The following UNC79 variants were observed in gnomAD, a reference collection of about 807,000 sequenced individuals.
UNC79 encodes the protein unc-79 subunit of NALCN channel complex, also known as protein unc-79 homolog.
A neutral mutation model predicts 283.1 loss-of-function variants in UNC79; 37 were observed. The observed-to-expected ratio is 0.13, with a 90% CI of 0.10 to 0.17. The LOEUF (loss-of-function observed/expected upper bound fraction) is 0.17. Ranked by LOEUF, UNC79 falls within the 10% of genes least tolerant of loss-of-function variation. UNC79 has a pLI of 1.00. For missense variants in UNC79, 2,272 were observed against 3,211.1 expected (o/e 0.71, Z 7.07); for synonymous variants, 1,107 against 1,200.2 (o/e 0.92, Z 1.61).
intron 1 of UNC79, among the ~76,000 whole-genome samples, chr14:93,448,214 A>T (rs2056525794): frequency 3.1e-5 from 4 of 127,334 alleles, no homozygotes; most frequent in Admixed American, 2.5e-4. Context: ...TCTGTTCTTC[A>T]TGTTTGATAC....
chr14:93,571,688 C>A (rs1236033836), intron 14 of UNC79, among the ~76,000 whole-genome samples: 3 of 152,142 alleles, frequency 2.0e-5, no homozygotes, highest in African/African-American at 7.2e-5. Context: ...TGAGCCTATT[C>A]GTAACTATGT....
chr14:93,652,835 A>G (rs1044895259), intron 35 of UNC79, among the ~76,000 whole-genome samples: 4 of 151,896 alleles, frequency 2.6e-5, no homozygotes, highest in Admixed American at 2.6e-4. Flanking sequence ...TTTAAAATTT[A>G]TTTTGATAAT....
intron 1 of UNC79, among the ~76,000 whole-genome samples, chr14:93,357,443 A>G (rs917756306): frequency 2.0e-5 from 3 of 151,914 alleles, no homozygotes; most frequent in Admixed American, 1.3e-4. Context: ...GGCACCATCT[A>G]ATCAGCTGCC....
intron 14 of UNC79, among the ~76,000 whole-genome samples, chr14:93,568,737 A>G (rs913377274): frequency 6.6e-6 from 1 of 152,198 alleles, no homozygotes; most frequent in Non-Finnish European, 1.5e-5. Flanking sequence ...ACTAGTTTAT[A>G]TAAGAGCTCT....
At chr14:93,610,632 A>G (rs11851122) in intron 26 of UNC79, among the ~76,000 whole-genome samples, 105,565 of 150,030 alleles carry the variant, frequency 0.7, 37,366 homozygotes, top group Admixed American at 0.73. Context: ...TTTTTTTGAG[A>G]CAAGGTCTTG....
chr14:93,574,383 C>T (rs1208713553), intron 16 of UNC79, among the ~76,000 whole-genome samples: 22 of 152,146 alleles, frequency 1.4e-4, no homozygotes, highest in Non-Finnish European at 2.9e-4. Context: ...GAAGCACGTA[C>T]AAGAGCTCCC....
At chr14:93,345,279 A>G (rs928347031) in intron 1 of UNC79, among the ~76,000 whole-genome samples, 1 of 152,224 alleles carries the variant, frequency 6.6e-6, no homozygotes, top group Non-Finnish European at 1.5e-5. Context: ...AGTCTGTTGT[A>G]TTGTAACAGC....
intron 1 of UNC79, among the ~76,000 whole-genome samples, chr14:93,400,890 G>A (rs1270759561): frequency 6.6e-6 from 1 of 152,182 alleles, no homozygotes; most frequent in Non-Finnish European, 1.5e-5. Context: ...AGACAAGACA[G>A]GACTTGAAGC....
At chr14:93,417,538 C>T (rs1218174697) in intron 1 of UNC79, among the ~76,000 whole-genome samples, 1 of 152,094 alleles carries the variant, frequency 6.6e-6, no homozygotes, top group African/African-American at 2.4e-5. Flanking sequence ...TTGTGGCGTT[C>T]TCTGTATTTC....
chr14:93,565,543 G>A lies in UNC79; in HGVS notation c.1756-6351G>A, dbSNP rs1043815024. On this transcript the variant is annotated intron_variant, in intron 14 of 48. Coordinates refer to ENST00000555664, the Ensembl canonical transcript of UNC79. Reference sequence around the variant, plus strand: ...TCTTCTATAGCTTACAGGTCGAAGTGTATTCAAGGTATTTTGTCTTGAAAA... The same window carrying A: ...TCTTCTATAGCTTACAGGTCGAAGTATATTCAAGGTATTTTGTCTTGAAAA... Among the ~76,000 whole-genome samples, 8 of 152,264 alleles carry A rather than the reference G, an allele frequency of 5.3e-5. No homozygotes were observed. In the East Asian group the frequency reaches 7.7e-4, roughly 15 times the overall value.
Position 93,621,433 on chromosome 14 carries a change from C to T in UNC79, c.4388-188C>T, listed in dbSNP as rs1052486926. ...CTTAAACTGCCATTTTGGTTTCTTT[C>T]ATTCGTAAATTTTCCAGTTTTTGAA... On this transcript the variant is annotated intron_variant, in intron 29 of 48. Coordinates refer to ENST00000555664, the Ensembl canonical transcript of UNC79. This position sits in a 1 kb window ranked among gnomAD's most constrained non-coding sequence, Gnocchi z 4.8. Among the ~76,000 whole-genome samples the T allele has an allele frequency of 2.6e-5, 4 of 152,142 alleles. No individual in the cohort carries two copies. Among genetic ancestry groups the T allele is most frequent in the African/African-American group, 9.7e-5 (4 of 41,434 alleles).
exon 30 of UNC79, chr14:93,622,235 C>G (rs1362987845): frequency 1.2e-6 from 2 of 1,614,112 alleles, no homozygotes. Context: ...TGCCTCTTCT[C>G]CCTCCGTCCC....
At chr14:93,451,321 C>T (rs745387097) in intron 1 of UNC79, among the ~76,000 whole-genome samples, 22 of 152,104 alleles carry the variant, frequency 1.4e-4, no homozygotes, top group Non-Finnish European at 2.8e-4. Flanking sequence ...CCTGGTGTCA[C>T]TGTCTTCAGA....
chr14:93,589,579 G>A lies in UNC79; in HGVS notation c.3032+2671G>A, dbSNP rs146693111. ...CCACTGATGGCATCTGCAGAGGCCC[G>A]CCTGAGGAGCAAGACTGAACTAGGT... On this transcript the variant is annotated intron_variant, in intron 22 of 48. Coordinates refer to ENST00000555664, the Ensembl canonical transcript of UNC79. 2.9e-3 allele frequency among the ~76,000 whole-genome samples: 437 copies of A among 152,216 alleles called. 1 individual carries two copies. The highest frequency in any genetic ancestry group is 9.6e-3 in the African/African-American group (397 of 41,528).
At chr14:93,502,209 C>A (rs558616671) in intron 7 of UNC79, among the ~76,000 whole-genome samples, 1 of 152,006 alleles carries the variant, frequency 6.6e-6, no homozygotes, top group Non-Finnish European at 1.5e-5. Flanking sequence ...GTCAGGAGAT[C>A]GAGACCATCC....
At chr14:93,636,132 C>A (rs986732117) in intron 31 of UNC79, among the ~76,000 whole-genome samples, 13 of 152,196 alleles carry the variant, frequency 8.5e-5, no homozygotes, top group African/African-American at 2.4e-4. Flanking sequence ...GCAAACTGAT[C>A]TCAATTTTCA....
intron 1 of UNC79, among the ~76,000 whole-genome samples, chr14:93,444,458 T>C (rs911742396): frequency 2.0e-5 from 3 of 152,172 alleles, no homozygotes; most frequent in African/African-American, 7.2e-5. Flanking sequence ...ATTTTTTTTC[T>C]TTTATCATTT....
At chr14:93,663,860 T>C (rs1417408771) in intron 40 of UNC79, among the ~76,000 whole-genome samples, 1 of 152,236 alleles carries the variant, frequency 6.6e-6, no homozygotes, top group Non-Finnish European at 1.5e-5. Flanking sequence ...TTATGTTTAA[T>C]TTGTTTAAAT....
intron 20 of UNC79, among the ~76,000 whole-genome samples, chr14:93,583,858 T>A (rs1415470293): frequency 1.4e-5 from 2 of 147,982 alleles, no homozygotes; most frequent in Non-Finnish European, 3.0e-5. Flanking sequence ...CAGGCTGGAG[T>A]GCAGGAGCCC....
Sources: allele counts gnomAD v4.1 joint callset (sites outside exome capture counted in the v4.1 genomes callset), GRCh38; gene constraint gnomAD v4.1.1; non-coding constraint Gnocchi (gnomAD v3.1); transcripts MANE v1.5; gene names NCBI Gene and HGNC (gene_info 2026-07-23, HGNC 2026-07-21).